FRMD4B: variants seen among roughly 807,000 people sequenced by gnomAD.
FRMD4B encodes the protein FERM domain containing 4B.
In FRMD4B, 74 loss-of-function variants were observed where a neutral mutation model predicts 141.5. The observed-to-expected ratio is 0.52, with a 90% CI of 0.43 to 0.63. FRMD4B has a LOEUF of 0.63. Ranked by LOEUF, FRMD4B falls within the 30% of genes least tolerant of loss-of-function variation. The pLI is 0.00. For synonymous variants in FRMD4B, 506 were observed against 467.9 expected (o/e 1.08, Z -1.05); for missense variants, 1,366 against 1,253.4 (o/e 1.09, Z -1.36).
At chr3:69,427,641 ATG>A (rs1705105462) in intron 2 of FRMD4B, among the ~76,000 whole-genome samples, 13 of 74,546 alleles carry the variant, frequency 1.7e-4, no homozygotes, top group African/African-American at 5.8e-4. Flanking sequence ...AGCTAGGTAA[ATG>A]TTTTTTTTTT....
At chr3:69,199,005 T>G in intron 11 of FRMD4B, 1 of 456,814 alleles carries the variant, frequency 2.2e-6, no homozygotes, top group Non-Finnish European at 4.0e-6. Flanking sequence ...GCGCGGTGGC[T>G]CACGCCTGTA....
At chr3:69,451,582 A>T (rs1705498953) in intron 1 of FRMD4B, among the ~76,000 whole-genome samples, 1 of 152,196 alleles carries the variant, frequency 6.6e-6, no homozygotes, top group Non-Finnish European at 1.5e-5. Flanking sequence ...TCCACCCACA[A>T]GTGCAGAGAC....
At chr3:69,395,285 C>G (rs1304759607) in intron 2 of FRMD4B, among the ~76,000 whole-genome samples, 2 of 152,032 alleles carry the variant, frequency 1.3e-5, no homozygotes, top group Admixed American at 1.3e-4. Flanking sequence ...AATCCAATGG[C>G]TCTTCCCTCC....
At chr3:69,285,126 G>A (rs572559215) in intron 5 of FRMD4B, among the ~76,000 whole-genome samples, 9 of 152,230 alleles carry the variant, frequency 5.9e-5, no homozygotes, top group East Asian at 1.9e-4. Context: ...CTGTGCCACC[G>A]CACTCCAGCC....
intron 19 of FRMD4B, among the ~76,000 whole-genome samples, chr3:69,183,223 TC>T (rs2092727519): frequency 6.6e-6 from 1 of 152,176 alleles, no homozygotes; most frequent in Non-Finnish European, 1.5e-5. Flanking sequence ...GTGGCTGTGT[TC>T]CAAGAAAATG....
intron 22 of FRMD4B, among the ~76,000 whole-genome samples, chr3:69,173,141 T>A (rs913765865): frequency 6.6e-6 from 1 of 151,970 alleles, no homozygotes; most frequent in Non-Finnish European, 1.5e-5. Flanking sequence ...TGCCTAGTAA[T>A]AGAGTTAGAT....
chr3:69,242,478 A>ATTTTTTTTTTTTTTTTTTTTTT (rs71115667), intron 7 of FRMD4B, among the ~76,000 whole-genome samples: 1 of 54,554 alleles, frequency 1.8e-5, no homozygotes, highest in Non-Finnish European at 3.1e-5. Context: ...AAATAGCTGC[A>ATTTTTTTTTTTTTTTTTTTTTT]TTTTTTTTTT....
In FRMD4B at chr3:69,262,388, C is replaced by G. The variant is rs150934309; in HGVS notation, c.502-12289G>C. Among the ~76,000 whole-genome samples, 213 of 150,142 alleles carry G rather than the reference C, an allele frequency of 1.4e-3. 3 individuals carry two copies. The highest frequency in any genetic ancestry group is 3.0e-3 in the East Asian group (15 of 5,050). On this transcript the variant is annotated intron_variant, in intron 5 of 22. Coordinates refer to ENST00000398540, the MANE Select transcript of FRMD4B (RefSeq NM_015123.3). ...GCAGACATGTTTGCATATGTCCACT[C>G]AAAGACAGGCACTAGGATCTTCAAA... is the stretch of plus-strand genomic sequence containing the variant.
chr3:69,449,889 A>C (rs1458998157), intron 1 of FRMD4B, among the ~76,000 whole-genome samples: 5 of 152,232 alleles, frequency 3.3e-5, no homozygotes, highest in Non-Finnish European at 5.9e-5. Context: ...TTAGTAGGGC[A>C]CTATGATACA....
At chr3:69,449,679 T>C (rs561075149) in intron 1 of FRMD4B, among the ~76,000 whole-genome samples, 4 of 152,306 alleles carry the variant, frequency 2.6e-5, no homozygotes, top group African/African-American at 9.6e-5. Flanking sequence ...AATCCAGGTC[T>C]TCTGAATCAG....
chr3:69,180,614 C>CA (rs147580742), intron 21 of FRMD4B, among the ~76,000 whole-genome samples: 9,608 of 150,590 alleles, frequency 0.064, 720 homozygotes, highest in East Asian at 0.32. Context: ...AAACAAAAAA[C>CA]AAAAAAAAAC....
intron 1 of FRMD4B, among the ~76,000 whole-genome samples, chr3:69,537,124 A>G (rs1701099728): frequency 6.6e-6 from 1 of 152,180 alleles, no homozygotes; most frequent in Non-Finnish European, 1.5e-5. Context: ...GCCTTTACAC[A>G]TGGGGTGGCC....
At chr3:69,475,353 C>T (rs1425621198) in intron 1 of FRMD4B, among the ~76,000 whole-genome samples, 2 of 151,830 alleles carry the variant, frequency 1.3e-5, no homozygotes, top group South Asian at 4.2e-4. Flanking sequence ...CTATCCCTCC[C>T]CCTTCCCCCC....
intron 5 of FRMD4B, among the ~76,000 whole-genome samples, chr3:69,262,615 G>A (rs554133375): frequency 8.6e-5 from 13 of 151,344 alleles, no homozygotes; most frequent in African/African-American, 2.9e-4. Flanking sequence ...ATGTGCCACC[G>A]CGCCTGGCTA....
upstream of FRMD4B, among the ~76,000 whole-genome samples, chr3:69,389,620 C>T (rs1377217035): frequency 6.6e-6 from 1 of 152,104 alleles, no homozygotes; most frequent in African/African-American, 2.4e-5. Flanking sequence ...TTTTCTTATC[C>T]AAATGGCTTT....
intron 1 of FRMD4B, among the ~76,000 whole-genome samples, chr3:69,509,895 A>C (rs940167045): frequency 3.3e-5 from 5 of 151,650 alleles, no homozygotes; most frequent in African/African-American, 9.7e-5. Flanking sequence ...CAATCAAGCA[A>C]GTCACATGAT....
At chr3:69,310,276 G>A (rs1701533330) in intron 3 of FRMD4B, among the ~76,000 whole-genome samples, 1 of 152,098 alleles carries the variant, frequency 6.6e-6, no homozygotes, top group African/African-American at 2.4e-5. Context: ...AAGCCACAAG[G>A]TGTTAAAAGC....
chr3:69,225,802 G>C (rs937303704), intron 7 of FRMD4B, among the ~76,000 whole-genome samples: 1 of 146,224 alleles, frequency 6.8e-6, no homozygotes, highest in Non-Finnish European at 1.5e-5. Context: ...AGTATTTAAG[G>C]ACATAATCTA....
At chr3:69,215,284 C>CTTTTTTTTTTTTTCTTTTTTTTTTT (rs2093129065) in intron 11 of FRMD4B, among the ~76,000 whole-genome samples, 1 of 45,208 alleles carries the variant, frequency 2.2e-5, no homozygotes, top group Non-Finnish European at 4.3e-5. Context: ...TTGTGACCCT[C>CTTTTTTTTTTTTTCTTTTTTTTTTT]TTTTTTTTTT....
Sources: gnomAD v4.1 joint callset for allele counts (sites outside exome capture counted in the v4.1 genomes callset) on GRCh38, gnomAD v4.1.1 for gene constraint, MANE v1.5 for transcripts, NCBI Gene and HGNC (gene_info 2026-07-23, HGNC 2026-07-21) for gene names.